The following CACNA1A variants were observed in gnomAD, a reference collection of about 807,000 sequenced individuals.
CACNA1A encodes calcium voltage-gated channel subunit alpha1 A, also known as voltage-dependent P/Q-type calcium channel subunit alpha-1A.
CACNA1A carries 57 observed loss-of-function variants against 262.4 expected under a neutral mutation model. The observed-to-expected ratio is 0.22, with a 90% confidence interval of 0.18 to 0.27. The LOEUF is 0.27. Ranked by LOEUF, CACNA1A falls within the 10% of genes least tolerant of loss-of-function variation. The pLI, the probability that CACNA1A is intolerant of heterozygous loss-of-function variation, is 1.00. For missense variants in CACNA1A, 2,526 were observed against 3,562.8 expected (o/e 0.71, Z 7.41); for synonymous variants, 1,431 against 1,419.3 (o/e 1.01, Z -0.18).
intron 6 of CACNA1A, among the ~76,000 whole-genome samples, chr19:13,349,481 C>A (rs2145205559): frequency 6.6e-6 from 1 of 152,314 alleles, no homozygotes. Flanking sequence ...CTTTTCTGAG[C>A]CACATGGGGC....
chr19:13,342,040 G>C (rs2058684343), intron 6 of CACNA1A, among the ~76,000 whole-genome samples: 1 of 152,168 alleles, frequency 6.6e-6, no homozygotes, highest in East Asian at 1.9e-4. Context: ...ACTCTCATCT[G>C]CACCATCCTC....
chr19:13,235,585 C>G (rs775400854), intron 32 of CACNA1A, 29 bp downstream of exon 32: 1 of 1,496,092 alleles, frequency 6.7e-7, no homozygotes, highest in Non-Finnish European at 9.3e-7. Flanking sequence ...CTTCTCAGCC[C>G]TGGGCCAGCA....
At chr19:13,413,536 C>A (rs1240100828) in intron 3 of CACNA1A, among the ~76,000 whole-genome samples, 11 of 141,084 alleles carry the variant, frequency 7.8e-5, no homozygotes, top group Non-Finnish European at 1.5e-5. Flanking sequence ...AGTGCCACTG[C>A]ACTCTGGCCT....
chr19:13,369,331 T>C (rs936641292), intron 4 of CACNA1A, among the ~76,000 whole-genome samples: 10 of 152,162 alleles, frequency 6.6e-5, no homozygotes, highest in Admixed American at 4.6e-4. Flanking sequence ...TTGCCATGCA[T>C]TGGAGGACAA....
chr19:13,273,130 A>T (rs1568483009), intron 24 of CACNA1A: 1 of 151,904 alleles, frequency 6.6e-6, no homozygotes, highest in East Asian at 1.9e-4. Context: ...ATGCCTGGCT[A>T]ATTTTTGTAT....
intron 22 of CACNA1A, 32 bp from the exon 23 acceptor site, chr19:13,277,160 T>A: frequency 6.5e-7 from 1 of 1,527,206 alleles, no homozygotes; most frequent in Non-Finnish European, 9.1e-7. Context: ...GAGCAGTGGA[T>A]CACTGGCCTG....
intron 19 of CACNA1A, among the ~76,000 whole-genome samples, chr19:13,287,683 G>GT (rs140198742): frequency 0.029 from 4,342 of 152,074 alleles, 204 homozygotes; most frequent in African/African-American, 0.098. Context: ...TTGTATTTCA[G>GT]TAGAGATGGG....
chr19:13,209,221 TCTTCTTC>T (rs1660447086), intron 45 of CACNA1A, 84 bp downstream of exon 45: 1 of 1,396,040 alleles, frequency 7.2e-7, no homozygotes, highest in African/African-American at 1.5e-5. Flanking sequence ...CCTCTCCCTT[TCTTCTTC>T]CTTAGTGTCT....
intron 10 of CACNA1A, among the ~76,000 whole-genome samples, chr19:13,326,553 A>G (rs2058367285): frequency 6.6e-6 from 1 of 151,948 alleles, no homozygotes. Context: ...TGGGAGGTGG[A>G]GGTAGGAGGA....
intron 7 of CACNA1A, 46 bp downstream of exon 7, chr19:13,335,760 G>T: frequency 1.6e-6 from 2 of 1,219,544 alleles, no homozygotes; most frequent in Non-Finnish European, 2.4e-6. Flanking sequence ...AAAGAAGTTA[G>T]CAAAGAGGAG....
At chr19:13,501,677 T>C (rs906793516) in intron 1 of CACNA1A, among the ~76,000 whole-genome samples, 4 of 152,064 alleles carry the variant, frequency 2.6e-5, no homozygotes, top group African/African-American at 9.7e-5. Context: ...CACCTGAAAG[T>C]TTGACAGGAC....
chr19:13,297,463 C>T (rs892069336), intron 19 of CACNA1A, among the ~76,000 whole-genome samples: 4 of 152,126 alleles, frequency 2.6e-5, no homozygotes, highest in African/African-American at 9.7e-5. Flanking sequence ...TGCTTGAGGC[C>T]AGGAGTTGGG....
intron 31 of CACNA1A, among the ~76,000 whole-genome samples, chr19:13,243,064 C>A (rs1163449266): frequency 6.6e-6 from 1 of 152,222 alleles, no homozygotes; most frequent in African/African-American, 2.4e-5. Flanking sequence ...GCTGGACCAT[C>A]CTTCTAACCT....
At chr19:13,259,318 T>G in intron 27 of CACNA1A, 1 of 116,488 alleles carries the variant, frequency 8.6e-6, no homozygotes. Context: ...GCAGCTTTTT[T>G]TTTTTTTTTT....
chr19:13,209,391 C>G lies in CACNA1A; in HGVS notation c.6447G>C (p.Gln2149His). Residue 2149 changes from glutamine (Q) to histidine (H), a missense_variant, in exon 45 of 47, where the codon CAG (glutamine) becomes CAC (histidine). Coordinates refer to ENST00000360228, the MANE Select transcript of CACNA1A (RefSeq NM_001127222.2). ...SLERVPPEENQRHHQRRRDRS... is the reference protein window; with the variant it reads ...SLERVPPEENHRHHQRRRDRS... Reference sequence around the variant, plus strand: ...GGTCGCGGCGCCGCTGGTGGTGCCGCTGGTTCTCCTCGGGCGGGACCCGCT... The same window carrying G: ...GGTCGCGGCGCCGCTGGTGGTGCCGGTGGTTCTCCTCGGGCGGGACCCGCT... The G allele has an allele frequency of 7.1e-7, 1 of 1,402,322 alleles. No individual in the cohort carries two copies. The highest frequency in any genetic ancestry group is 9.3e-7 in the Non-Finnish European group (1 of 1,074,796). 86.9% of individuals were successfully genotyped at this position (1,402,322 alleles called of 1,614,324 possible).
At chr19:13,233,656 T>G (rs1172886337) in intron 34 of CACNA1A, among the ~76,000 whole-genome samples, 4 of 151,956 alleles carry the variant, frequency 2.6e-5, no homozygotes, top group African/African-American at 9.7e-5. Context: ...CCCAGTTAAT[T>G]AAAAACAATT....
At chr19:13,435,530 G>T (rs2144851929) in intron 3 of CACNA1A, among the ~76,000 whole-genome samples, 1 of 152,232 alleles carries the variant, frequency 6.6e-6, no homozygotes, top group African/African-American at 2.4e-5. Context: ...GCAGAGGTGA[G>T]CAGGAAGGGT....
At chr19:13,397,371 C>CT (rs1174970760) in intron 3 of CACNA1A, among the ~76,000 whole-genome samples, 1 of 152,148 alleles carries the variant, frequency 6.6e-6, no homozygotes, top group Non-Finnish European at 1.5e-5. Flanking sequence ...GCCCAAGAAA[C>CT]AGAGGAGGTG....
At chr19:13,381,380 C>G (rs1239104583) in intron 3 of CACNA1A, among the ~76,000 whole-genome samples, 2 of 152,056 alleles carry the variant, frequency 1.3e-5, no homozygotes, top group Non-Finnish European at 2.9e-5. Flanking sequence ...GGCTGGAAGA[C>G]AGAGCGAGAC....
Sources: gnomAD v4.1 joint callset for allele counts (sites outside exome capture counted in the v4.1 genomes callset) on GRCh38, gnomAD v4.1.1 for gene constraint, MANE v1.5 for transcripts, NCBI Gene and HGNC (gene_info 2026-07-23, HGNC 2026-07-21) for gene names.